Variants in IRX2 observed in about 807,000 individuals in gnomAD.
The protein encoded by IRX2 is iroquois homeobox 2.
IRX2 carries 26 observed loss-of-function variants against 42.9 expected under a neutral mutation model. That is an observed-to-expected ratio of 0.61 (90% CI 0.44 to 0.84). The LOEUF is 0.84. Among genes scored for constraint, IRX2 ranks in the 40% least tolerant of loss-of-function variants. IRX2 has a pLI of 0.00. For synonymous variants in IRX2, 424 were observed against 353.9 expected (o/e 1.20, Z -2.22); for missense variants, 782 against 713.9 (o/e 1.10, Z -1.09).
chr5:2,740,632 C>G, the IRX2 span, among the ~76,000 whole-genome samples: 1 of 152,146 alleles, frequency 6.6e-6, no homozygotes, highest in Admixed American at 6.5e-5. Context: ...CCTGGGTGGG[C>G]GTTTAAGGGC....
downstream of IRX2, among the ~76,000 whole-genome samples, chr5:2,743,810 A>G (rs544055909): frequency 2.0e-3 from 312 of 152,320 alleles, 2 homozygotes; most frequent in Middle Eastern, 0.01. Flanking sequence ...ACCAGCATGG[A>G]GAGGAGCTCA....
chr5:2,745,988 G>T (rs1378532258), downstream of IRX2: 1 of 146,548 alleles, frequency 6.8e-6, no homozygotes, highest in East Asian at 2.0e-4. Context: ...TGTTTCTCCC[G>T]ATTATATACT....
the IRX2 span, among the ~76,000 whole-genome samples, chr5:2,739,497 C>A: frequency 6.6e-6 from 1 of 151,920 alleles, no homozygotes. Flanking sequence ...CCGAGCGCAG[C>A]AGAAATACGG....
intron 1 of IRX2, among the ~76,000 whole-genome samples, chr5:2,750,495 C>T (rs1005137375): frequency 6.6e-6 from 1 of 152,232 alleles, no homozygotes; most frequent in Admixed American, 6.5e-5. Flanking sequence ...CCTCGAGACT[C>T]GCGAGCCGCC....
intron 2 of IRX2, 139 bp from the exon 3 acceptor site, chr5:2,749,191 A>G: frequency 6.8e-7 from 1 of 1,465,254 alleles, no homozygotes; most frequent in Non-Finnish European, 9.0e-7. Flanking sequence ...TGACAGGCGG[A>G]GCCTGACCTC....
In IRX2 at chr5:2,751,123, C is replaced by G; in HGVS notation, c.249+42G>C. 1 of 1,214,072 alleles carries G rather than the reference C, an allele frequency of 8.2e-7. No homozygotes were observed. Among genetic ancestry groups the G allele is most frequent in the Non-Finnish European group, 1.0e-6 (1 of 975,994 alleles). The allele number at this position is 1,214,072 out of a possible 1,614,324, so 75.2% of individuals were successfully genotyped here. A position where few individuals can be genotyped will look rare whatever the true frequency, so the allele number is the denominator to read the frequency against. The stretch of plus-strand genomic sequence containing the variant: ...CGCTCCGCCTGAGCCCCGTCTGGGT[C>G]CCGGCGCCCAGGAGTCCCGCGTCCC... On this transcript the variant is annotated intron_variant, in intron 1 of 3. Transcript: ENST00000302057. This position sits in a 1 kb window ranked among gnomAD's most constrained non-coding sequence, Gnocchi z 4.0.
At chr5:2,736,156 G>A in the IRX2 span, among the ~76,000 whole-genome samples, 4 of 152,112 alleles carry the variant, frequency 2.6e-5, no homozygotes, top group Non-Finnish European at 5.9e-5. Context: ...GTCACACCTT[G>A]GCATTTACTC....
downstream of IRX2, among the ~76,000 whole-genome samples, chr5:2,742,956 C>A (rs1375440297): frequency 6.6e-6 from 1 of 152,254 alleles, no homozygotes; most frequent in East Asian, 1.9e-4. Context: ...TCCGAAAACG[C>A]GCACGGGCTT....
At chr5:2,737,411 T>C in the IRX2 span, 92,030 of 152,004 alleles carry the variant, frequency 0.61, 28,408 homozygotes, top group South Asian at 0.74. Flanking sequence ...ACCCTGGACA[T>C]GTTTCTGTGC....
At position 2,749,605 on chromosome 5, in the gene IRX2, C is replaced by T. The variant is rs756074582; in HGVS notation, c.432G>A (p.Lys144=). ...TGATGGCTAGCATGATCTTCTCGCC[C>T]TTGGTGGGGTAGGGGTTCTTGCGGT... The part of the protein sequence containing the change: ...NEHRKNPYPT[K]GEKIMLAIIT... Residue 144 remains lysine, a synonymous_variant, in exon 2 of 4, where the codon AAG becomes AAA. Transcript: ENST00000302057. 10 of 1,614,212 alleles carry T rather than the reference C, an allele frequency of 6.2e-6. No homozygotes were observed. The East Asian group carries it at 1.6e-4, about 25-fold the overall frequency.
At chr5:2,741,390 G>GAA (rs5865444), downstream of IRX2, among the ~76,000 whole-genome samples, 120 of 147,886 alleles carry the variant, frequency 8.1e-4, no homozygotes, top group South Asian at 3.7e-3. Context: ...TTTATAGCAG[G>GAA]AAAAAAAAAA....
At position 2,748,835 on chromosome 5, in the gene IRX2, C is replaced by G. The variant is rs758262742; in HGVS notation, c.873G>C (p.Leu291Phe). ...GCGGGGGGCTCAGCAGCGGCGCCTC[C>G]AAGCCGGTAAGCGGCGACGAGGTCA... The part of the protein sequence containing the change: ...KPVTSSPLTG[L>F]EAPLLSPPPE... Residue 291 changes from leucine (L) to phenylalanine (F), a missense_variant, in exon 3 of 4, where the codon TTG becomes TTC. By Grantham distance (22) the Leu-to-Phe change is conservative. This residue lies in a region of IRX2 where 520 missense variants were observed against 437.8 expected (regional missense o/e 1.19). Coordinates refer to ENST00000302057, the MANE Select transcript of IRX2 (RefSeq NM_033267.5). 1.3e-6 allele frequency: 2 copies of G among 1,561,682 alleles called. No homozygotes were observed. Among genetic ancestry groups the G allele is most frequent in the African/African-American group, 2.8e-5 (2 of 71,432 alleles).
At chr5:2,745,971 C>A (rs1737651509), downstream of IRX2, 2 of 149,578 alleles carry the variant, frequency 1.3e-5, no homozygotes, top group Admixed American at 1.3e-4. Flanking sequence ...AAATCATCTA[C>A]AGCACATGTT....
intron 1 of IRX2, among the ~76,000 whole-genome samples, chr5:2,750,751 G>A (rs921693654): frequency 6.6e-6 from 1 of 152,300 alleles, no homozygotes; most frequent in African/African-American, 2.4e-5. Flanking sequence ...TCGGCTCAGA[G>A]GCCGCAGTGA....
chr5:2,748,218 T>C, intron 3 of IRX2, 127 bp downstream of exon 3: 1 of 832,100 alleles, frequency 1.2e-6, no homozygotes, highest in Non-Finnish European at 1.7e-6. Context: ...ACTCTGCTAA[T>C]TCTGGGTCCC....
chr5:2,742,104 G>T (rs959892998), downstream of IRX2, among the ~76,000 whole-genome samples: 1 of 152,198 alleles, frequency 6.6e-6, no homozygotes, highest in Non-Finnish European at 1.5e-5. Flanking sequence ...GGACAGAGGT[G>T]CCGGTTGAGG....
chr5:2,740,189 G>T, the IRX2 span, among the ~76,000 whole-genome samples: 3 of 151,688 alleles, frequency 2.0e-5, no homozygotes. Flanking sequence ...GTGCGGGGGC[G>T]GGGGTCCTGC....
chr5:2,740,710 G>A, the IRX2 span, among the ~76,000 whole-genome samples: 1 of 152,154 alleles, frequency 6.6e-6, no homozygotes, highest in Non-Finnish European at 1.5e-5. Flanking sequence ...CGTGGGCCGG[G>A]TGGAAGGTGG....
At chr5:2,744,709 T>C (rs1737619276), downstream of IRX2, among the ~76,000 whole-genome samples, 1 of 152,192 alleles carries the variant, frequency 6.6e-6, no homozygotes, top group South Asian at 2.1e-4. Context: ...CTCATATCTA[T>C]TACTAGGAGA....
Sources: gnomAD v4.1 joint callset for allele counts (sites outside exome capture counted in the v4.1 genomes callset) on GRCh38, gnomAD v4.1.1 for gene constraint, gnomAD v4.1.1 regional missense constraint, Gnocchi (gnomAD v3.1) non-coding constraint, MANE v1.5 for transcripts, NCBI Gene and HGNC (gene_info 2026-07-23, HGNC 2026-07-21) for gene names.